Variants in CCDC174 observed in about 807,000 individuals in gnomAD.
CCDC174 encodes the protein coiled-coil domain-containing protein 174.
CCDC174 carries 37 observed loss-of-function variants against 57.1 expected under a neutral mutation model. That is an observed-to-expected ratio of 0.65 (90% CI 0.50 to 0.85). The LOEUF (loss-of-function observed/expected upper bound fraction) is 0.85, where lower values mean the gene tolerates loss of function less well. Among genes scored for constraint, CCDC174 ranks in the 40% least tolerant of loss-of-function variants. The pLI is 0.00. For synonymous variants in CCDC174, 182 were observed against 190.2 expected (o/e 0.96, Z 0.35); for missense variants, 540 against 574.3 (o/e 0.94, Z 0.61).
At chr3:14,662,898 C>T (rs2031196153) in intron 5 of CCDC174, among the ~76,000 whole-genome samples, 1 of 152,196 alleles carries the variant, frequency 6.6e-6, no homozygotes, top group Non-Finnish European at 1.5e-5. Context: ...TGGGATAAAA[C>T]AGGTATCTTT....
At chr3:14,657,479 G>A (rs2030995438) in intron 3 of CCDC174, among the ~76,000 whole-genome samples, 1 of 152,210 alleles carries the variant, frequency 6.6e-6, no homozygotes, top group Admixed American at 6.5e-5. Context: ...CTCAACAGAA[G>A]AAACTGTTCT....
At chr3:14,652,567 G>T (rs2030808268) in intron 1 of CCDC174, among the ~76,000 whole-genome samples, 1 of 152,136 alleles carries the variant, frequency 6.6e-6, no homozygotes, top group African/African-American at 2.4e-5. Context: ...TGAAATTGAG[G>T]CCTGGAAAGA....
At chr3:14,661,009 C>T (rs1370509361) in intron 4 of CCDC174, among the ~76,000 whole-genome samples, 7 of 152,200 alleles carry the variant, frequency 4.6e-5, no homozygotes, top group Non-Finnish European at 8.8e-5. Context: ...TATGCCTTGC[C>T]TGGAATTGGT....
At chr3:14,659,758 A>G (rs1023070028) in intron 4 of CCDC174, among the ~76,000 whole-genome samples, 15 of 152,198 alleles carry the variant, frequency 9.9e-5, no homozygotes, top group Non-Finnish European at 5.9e-5. Flanking sequence ...CCAATCCATA[A>G]TTAGACAACA....
At chr3:14,667,348 T>G in intron 7 of CCDC174, 76 bp from the exon 8 acceptor site, 1 of 1,075,818 alleles carries the variant, frequency 9.3e-7, no homozygotes, top group East Asian at 2.4e-5. Flanking sequence ...CTTTTTGCTT[T>G]GGTAGGAAAT....
At chr3:14,660,721 G>GA (rs1209104034) in intron 4 of CCDC174, among the ~76,000 whole-genome samples, 1 of 152,138 alleles carries the variant, frequency 6.6e-6, no homozygotes, top group Non-Finnish European at 1.5e-5. Flanking sequence ...CTAAGGTGGG[G>GA]AAAACACCAC....
Position 14,655,627 on chromosome 3 carries a change from A to G in CCDC174, c.246A>G (p.Ala82=), listed in dbSNP as rs1305687005. 6.3e-7 allele frequency: 1 copy of G among 1,597,274 alleles called. No individual in the cohort carries two copies. Residue 82 remains alanine (A), a splice_region_variant and synonymous_variant, in exon 3 of 11, where the codon GCA becomes GCG. Transcript: ENST00000383794. ...AAGAACAGAAGACTTTAGACAAAGC[A>G]AGGTAAAGTTATAAGCTCTGGTAAA... ...KIEEQKTLDK[A]REKLEEKAKL...
chr3:14,666,727 A>G, intron 6 of CCDC174, 78 bp from the exon 7 acceptor site: 2 of 1,150,240 alleles, frequency 1.7e-6, no homozygotes, highest in Non-Finnish European at 2.4e-6. Context: ...TTACTTATGC[A>G]TGATGCAACT....
At chr3:14,667,221 T>G in intron 7 of CCDC174, 1 of 620,926 alleles carries the variant, frequency 1.6e-6, no homozygotes, top group Non-Finnish European at 2.8e-6. Flanking sequence ...TTGTTATGCT[T>G]CCCTTGGCAA....
chr3:14,670,220 A>G, intron 10 of CCDC174, 134 bp downstream of exon 10: 1 of 818,990 alleles, frequency 1.2e-6, no homozygotes, highest in South Asian at 1.8e-5. Context: ...GCCATTTCTC[A>G]GGACCTGCCT....
At chr3:14,670,149 A>G in intron 10 of CCDC174, 63 bp downstream of exon 10, 1 of 1,521,866 alleles carries the variant, frequency 6.6e-7, no homozygotes, top group Non-Finnish European at 8.9e-7. Context: ...TTTTTTTTCT[A>G]GAAGCACTTG....
chr3:14,665,186 G>C, intron 6 of CCDC174, 63 bp downstream of exon 6: 1 of 1,082,414 alleles, frequency 9.2e-7, no homozygotes, highest in Non-Finnish European at 1.4e-6. Context: ...GGATTGTTTT[G>C]TGAGGGGAGG....
At chr3:14,653,237 A>G (rs1354792491) in intron 1 of CCDC174, among the ~76,000 whole-genome samples, 5 of 152,216 alleles carry the variant, frequency 3.3e-5, no homozygotes, top group East Asian at 3.8e-4. Context: ...ATGCTATTTG[A>G]GAATTTACAT....
At chr3:14,652,214 A>G (rs1417566969) in intron 1 of CCDC174, among the ~76,000 whole-genome samples, 2 of 152,176 alleles carry the variant, frequency 1.3e-5, no homozygotes, top group East Asian at 3.8e-4. Flanking sequence ...CCTTACAGTC[A>G]GGAGGAACCC....
At chr3:14,669,158 C>T (rs920253867) in intron 9 of CCDC174, among the ~76,000 whole-genome samples, 16 of 152,152 alleles carry the variant, frequency 1.1e-4, no homozygotes, top group Admixed American at 6.5e-4. Context: ...CAGCTGCAAC[C>T]GGGGGGCATT....
intron 6 of CCDC174, 142 bp from the exon 7 acceptor site, chr3:14,666,663 C>T (rs1489941481): frequency 1.7e-6 from 1 of 601,154 alleles, no homozygotes; most frequent in South Asian, 3.7e-5. Flanking sequence ...GATTTTCCAG[C>T]AGTCTTGTGG....
intron 4 of CCDC174, among the ~76,000 whole-genome samples, chr3:14,659,230 G>A (rs1176856967): frequency 7.4e-6 from 1 of 134,312 alleles, no homozygotes; most frequent in Non-Finnish European, 1.6e-5. Flanking sequence ...CAAAGTTAGG[G>A]AACAATGTCT....
At chr3:14,664,058 A>G (rs975497368) in intron 5 of CCDC174, among the ~76,000 whole-genome samples, 2 of 152,212 alleles carry the variant, frequency 1.3e-5, no homozygotes, top group African/African-American at 2.4e-5. Context: ...TGGGGGGAAA[A>G]AAAGGAAGAA....
chr3:14,652,807 C>G (rs1300958621), intron 1 of CCDC174, among the ~76,000 whole-genome samples: 1 of 151,490 alleles, frequency 6.6e-6, no homozygotes, highest in South Asian at 2.1e-4. Flanking sequence ...GAAGCTGAGG[C>G]AGGAGAATCG....
Sources: gnomAD v4.1 joint callset for allele counts (sites outside exome capture counted in the v4.1 genomes callset) on GRCh38, gnomAD v4.1.1 for gene constraint, MANE v1.5 for transcripts, NCBI Gene and HGNC (gene_info 2026-07-23, HGNC 2026-07-21) for gene names.